CPVL: variants seen among roughly 807,000 people sequenced by gnomAD.
The protein encoded by CPVL is probable serine carboxypeptidase CPVL.
Under a neutral mutation model 63.7 loss-of-function variants are expected in CPVL, and 51 were observed. That is an observed-to-expected ratio of 0.80 (90% CI 0.64 to 1.01). The LOEUF is 1.01. CPVL is among the 50% of genes least tolerant of loss of function. The pLI is 0.00. For missense variants in CPVL, 530 were observed against 573.1 expected (o/e 0.92, Z 0.77); for synonymous variants, 195 against 206.0 (o/e 0.95, Z 0.46).
intron 5 of CPVL, among the ~76,000 whole-genome samples, chr7:29,171,225 A>G (rs1301835766): frequency 6.6e-6 from 1 of 152,096 alleles, no homozygotes; most frequent in Non-Finnish European, 1.5e-5. Context: ...CGCAGACATC[A>G]CCTAATACGC....
intron 5 of CPVL, among the ~76,000 whole-genome samples, chr7:29,163,574 A>G (rs1296982542): frequency 6.6e-6 from 1 of 152,150 alleles, no homozygotes; most frequent in Non-Finnish European, 1.5e-5. Flanking sequence ...TTAAGGTATA[A>G]CTGGCATACA....
Position 29,157,942 on chromosome 7 carries a change from C to T in CPVL, c.-11+23348G>A, listed in dbSNP as rs80008984. Among the ~76,000 whole-genome samples, 4 of 152,246 alleles carry T rather than the reference C, an allele frequency of 2.6e-5. No individual in the cohort carries two copies. In the East Asian group the frequency reaches 7.7e-4, roughly 29 times the overall value. The stretch of plus-strand genomic sequence containing the variant: ...TCTTCCTTATGAAAATACTGTTTCT[C>T]ATTTGTGATTCCACTCCTAAAGAGA... On this transcript the variant is annotated intron_variant, in intron 5 of 16. Transcript: ENST00000409850.
chr7:29,173,027 A>T (rs548434808), intron 5 of CPVL, among the ~76,000 whole-genome samples: 26 of 151,812 alleles, frequency 1.7e-4, no homozygotes, highest in African/African-American at 5.1e-4. Context: ...GCCACTCAGG[A>T]GCCTGGGGAA....
At chr7:29,075,218 T>C (rs1291787134) in intron 7 of CPVL, among the ~76,000 whole-genome samples, 1 of 152,136 alleles carries the variant, frequency 6.6e-6, no homozygotes, top group Non-Finnish European at 1.5e-5. Flanking sequence ...TTTGTGGCAC[T>C]TTCCCCCAGT....
intron 9 of CPVL, among the ~76,000 whole-genome samples, chr7:29,071,263 T>C (rs1038062483): frequency 1.3e-5 from 2 of 152,218 alleles, no homozygotes; most frequent in African/African-American, 2.4e-5. Context: ...CAAATACCAA[T>C]GGCCCTTTGT....
rs145856851 is a variant in CPVL at position 29,112,801 on chromosome 7, C to T, written c.191G>A (p.Gly64Asp). 3.1e-6 allele frequency: 5 copies of T among 1,612,830 alleles called. No homozygotes were observed. Among genetic ancestry groups the T allele is most frequent in the African/African-American group, 1.3e-5 (1 of 74,678 alleles). ...CTTCATGTTCAGTCCTGGGAAAGGG[C>T]CGACCAAACTCAATTCTCTTCCTAG... ...IQKGRELSLV[G>D]PFPGLNMKSY... The change falls in exon 3 of 13, where the codon GGC (glycine) becomes GAC (aspartate). Residue 64 changes from glycine (G) to aspartate (D), a missense_variant. By Grantham distance (94) the Gly-to-Asp change is moderately conservative. Coordinates refer to ENST00000265394, the MANE Select transcript of CPVL (RefSeq NM_031311.5).
intron 1 of CPVL, chr7:29,195,033 G>T (rs547827658): frequency 3.3e-4 from 523 of 1,564,974 alleles, no homozygotes; most frequent in Non-Finnish European, 4.3e-4. Context: ...GCCGGGTCTC[G>T]CCCCACTGCC....
At chr7:29,128,204 T>G (rs1264223617) in intron 1 of CPVL, 1 of 125,612 alleles carries the variant, frequency 8.0e-6, no homozygotes, top group South Asian at 2.5e-4. Context: ...TTTTTTTTTT[T>G]AAACCAAGAT....
chr7:29,071,652 A>C, intron 9 of CPVL, 121 bp downstream of exon 9: 1 of 1,076,254 alleles, frequency 9.3e-7, no homozygotes, highest in Non-Finnish European at 1.3e-6. Flanking sequence ...TCTCCAATGG[A>C]ATAACAGATA....
chr7:29,076,520 GCC>G (rs1784265155), intron 7 of CPVL, among the ~76,000 whole-genome samples: 1 of 152,206 alleles, frequency 6.6e-6, no homozygotes, highest in Non-Finnish European at 1.5e-5. Flanking sequence ...GAGAAGCTCA[GCC>G]GGATAAACAT....
At chr7:29,147,078 C>A, upstream of CPVL, 1 of 1,394,652 alleles carries the variant, frequency 7.2e-7, no homozygotes. Context: ...TTGGGGGACA[C>A]AAACTAAGTG....
rs7313 is a variant in CPVL at position 29,030,593 on chromosome 7, G to T, written c.1304C>A (p.Ala435Glu). Residue 435 changes from alanine (A) to glutamate (E), a missense_variant, in exon 12 of 13, where the codon GCG (alanine) becomes GAG (glutamate). Physicochemically the swap from Ala to Glu is moderately radical, Grantham distance 107 (BLOSUM62 -1). Coordinates refer to ENST00000265394, the MANE Select transcript of CPVL (RefSeq NM_031311.5). ...TCTTCCTACCTGATGGAAGTCACCCGCTTGCCGGATGTAACCAGCCACTTC... is the reference window on the plus strand; with the variant it reads ...TCTTCCTACCTGATGGAAGTCACCCTCTTGCCGGATGTAACCAGCCACTTC... ...DSEVAGYIRQAGDFHQVIIRG... is the reference protein window; with the variant it reads ...DSEVAGYIRQEGDFHQVIIRG... 6.2e-7 allele frequency: 1 copy of T among 1,611,534 alleles called. No homozygotes were observed. Among genetic ancestry groups the T allele is most frequent in the East Asian group, 2.2e-5 (1 of 44,728 alleles).
chr7:29,191,497 G>A (rs146342833), intron 1 of CPVL: 7 of 152,336 alleles, frequency 4.6e-5, no homozygotes, highest in African/African-American at 1.7e-4. Flanking sequence ...CCATGAAAGA[G>A]GGTTGCCTTT....
intron 1 of CPVL, among the ~76,000 whole-genome samples, chr7:29,138,574 G>C (rs1791502561): frequency 6.6e-6 from 1 of 152,088 alleles, no homozygotes; most frequent in Non-Finnish European, 1.5e-5. Context: ...GGTGGACAGT[G>C]GTGCCATTAA....
At chr7:29,062,540 A>C (rs1782726962) in intron 11 of CPVL, among the ~76,000 whole-genome samples, 2 of 152,200 alleles carry the variant, frequency 1.3e-5, no homozygotes, top group Admixed American at 1.3e-4. Context: ...AACTATTTTC[A>C]ACAATGGTTA....
intron 5 of CPVL, among the ~76,000 whole-genome samples, chr7:29,175,219 G>A (rs1417979686): frequency 6.6e-6 from 1 of 151,264 alleles, no homozygotes; most frequent in Non-Finnish European, 1.5e-5. Flanking sequence ...CTGTCACCCA[G>A]GCTGGAGTGT....
intron 11 of CPVL, among the ~76,000 whole-genome samples, chr7:29,062,100 A>G (rs1440931982): frequency 6.6e-6 from 1 of 152,116 alleles, no homozygotes; most frequent in East Asian, 1.9e-4. Flanking sequence ...ATGAACGCTA[A>G]CCTCTTTTTG....
chr7:29,168,334 T>C (rs973073608), intron 5 of CPVL, among the ~76,000 whole-genome samples: 1 of 152,232 alleles, frequency 6.6e-6, no homozygotes, highest in African/African-American at 2.4e-5. Context: ...TTCAATTCCA[T>C]TACACAATTT....
intron 12 of CPVL, among the ~76,000 whole-genome samples, chr7:28,999,769 C>T (rs545637499): frequency 3.5e-4 from 54 of 152,278 alleles, no homozygotes; most frequent in African/African-American, 1.2e-3. Context: ...TGTTAAGGGA[C>T]AAAGTTGTTT....
Sources: gnomAD v4.1 joint callset for allele counts (sites outside exome capture counted in the v4.1 genomes callset) on GRCh38, gnomAD v4.1.1 for gene constraint, MANE v1.5 for transcripts, NCBI Gene and HGNC (gene_info 2026-07-23, HGNC 2026-07-21) for gene names.